Variants in FAAH2 observed in about 807,000 individuals in gnomAD.
FAAH2 encodes fatty-acid amide hydrolase 2.
FAAH2 carries 60 observed loss-of-function variants against 36.9 expected under a neutral mutation model. The observed-to-expected ratio is 1.63, with a 90% CI of 1.32 to 2.02. The LOEUF (loss-of-function observed/expected upper bound fraction) is 2.02, where lower values mean the gene tolerates loss of function less well. Among genes scored for constraint, FAAH2 ranks in the 30% most tolerant of loss-of-function variants. The pLI, the probability that FAAH2 is intolerant of heterozygous loss-of-function variation, is 0.00. For synonymous variants in FAAH2, 214 were observed against 143.8 expected, an observed-to-expected ratio of 1.49 and a Z score of -3.49; for missense variants, 689 against 397.5, an observed-to-expected ratio of 1.73 and a Z score of -6.23.
chrX:57,184,153 TCTG>T, the FAAH2 span, among the ~76,000 whole-genome samples: 1 of 111,651 alleles, frequency 9.0e-6, no homozygotes, highest in African/African-American at 3.3e-5. Flanking sequence ...TATTAGTAGT[TCTG>T]CTTTTGTCGT....
chrX:57,362,253 C>T (rs1371110353), intron 5 of FAAH2, among the ~76,000 whole-genome samples: 1 of 111,030 alleles, frequency 9.0e-6, no homozygotes, highest in Admixed American at 9.6e-5. Flanking sequence ...AACAGAAGAA[C>T]AGAAAACCAA....
the FAAH2 span, among the ~76,000 whole-genome samples, chrX:57,219,555 C>A: frequency 1.8e-5 from 2 of 112,437 alleles, no homozygotes; most frequent in South Asian, 7.3e-4. Flanking sequence ...GTCCAAAGCC[C>A]CAACATTGGT....
chrX:57,367,099 A>G (rs1362762530), intron 5 of FAAH2, among the ~76,000 whole-genome samples: 1 of 112,531 alleles, frequency 8.9e-6, no homozygotes, highest in Non-Finnish European at 1.9e-5. Flanking sequence ...ATAAACTCAT[A>G]CGAAATAACC....
At chrX:57,163,616 C>T in the FAAH2 span, among the ~76,000 whole-genome samples, 1 of 111,900 alleles carries the variant, frequency 8.9e-6, no homozygotes, top group Non-Finnish European at 1.9e-5. Flanking sequence ...TGGGAGTGAC[C>T]CGATTTTCCA....
chrX:57,442,361 G>A (rs1427769910), intron 8 of FAAH2, among the ~76,000 whole-genome samples: 1 of 111,454 alleles, frequency 9.0e-6, no homozygotes, highest in Admixed American at 9.6e-5. Flanking sequence ...TACCATTATG[G>A]AGTGGCCTTC....
chrX:57,347,481 G>A (rs1392087747), intron 5 of FAAH2, among the ~76,000 whole-genome samples: 2 of 110,227 alleles, frequency 1.8e-5, no homozygotes, highest in African/African-American at 6.6e-5. Context: ...TGGATTCCCT[G>A]GATTCCTTGG....
At chrX:57,383,897 G>A (rs932151539) in intron 7 of FAAH2, among the ~76,000 whole-genome samples, 3 of 111,676 alleles carry the variant, frequency 2.7e-5, no homozygotes, top group African/African-American at 9.8e-5. Context: ...CAAAGCTGGA[G>A]GCATCATGCT....
At chrX:57,284,666 TA>T (rs2051785113), upstream of FAAH2, among the ~76,000 whole-genome samples, 1 of 111,511 alleles carries the variant, frequency 9.0e-6, no homozygotes, top group Non-Finnish European at 1.9e-5. Context: ...TTTTGCAAGA[TA>T]AAAATGTTCT....
At chrX:57,343,124 C>T (rs989798651) in intron 5 of FAAH2, among the ~76,000 whole-genome samples, 3 of 111,680 alleles carry the variant, frequency 2.7e-5, no homozygotes, top group Non-Finnish European at 5.7e-5. Context: ...AAATAATTTT[C>T]CTTGGAGTAT....
intron 7 of FAAH2, among the ~76,000 whole-genome samples, chrX:57,416,074 G>T (rs2055834665): frequency 9.0e-6 from 1 of 110,839 alleles, no homozygotes; most frequent in Admixed American, 9.7e-5. Flanking sequence ...CTTTCCATTT[G>T]CTAGGTAAAT....
At chrX:57,416,168 G>A (rs964000332) in intron 7 of FAAH2, among the ~76,000 whole-genome samples, 1 of 111,003 alleles carries the variant, frequency 9.0e-6, no homozygotes, top group African/African-American at 3.3e-5. Context: ...GATGGCTGTT[G>A]ACTCTTTATC....
chrX:57,383,050 A>C (rs1247913778), intron 7 of FAAH2, among the ~76,000 whole-genome samples: 3 of 112,088 alleles, frequency 2.7e-5, no homozygotes, highest in Non-Finnish European at 5.6e-5. Context: ...GTAATCCAGC[A>C]TATAAACAGA....
At chrX:57,251,213 A>G in the FAAH2 span, among the ~76,000 whole-genome samples, 1 of 112,335 alleles carries the variant, frequency 8.9e-6, no homozygotes, top group African/African-American at 3.2e-5. Context: ...AAACAAATAA[A>G]TGTGATACAT....
At chrX:57,214,687 A>G in the FAAH2 span, among the ~76,000 whole-genome samples, 3 of 111,757 alleles carry the variant, frequency 2.7e-5, no homozygotes, top group South Asian at 1.1e-3. Flanking sequence ...TAATTGTTAC[A>G]TGGAGTATGA....
chrX:57,184,168 T>C, the FAAH2 span, among the ~76,000 whole-genome samples: 1 of 111,915 alleles, frequency 8.9e-6, no homozygotes, highest in African/African-American at 3.2e-5. Context: ...TTTTGTCGTT[T>C]GTCCTGTCAT....
intron 7 of FAAH2, among the ~76,000 whole-genome samples, chrX:57,424,280 G>C (rs2056107734): frequency 8.9e-6 from 1 of 111,899 alleles, no homozygotes; most frequent in African/African-American, 3.3e-5. Context: ...CCATCTCTGG[G>C]GCTGAGCATA....
the FAAH2 span, among the ~76,000 whole-genome samples, chrX:57,146,929 T>C: frequency 2.7e-5 from 3 of 111,640 alleles, no homozygotes; most frequent in Non-Finnish European, 5.7e-5. Context: ...TTGATCATGG[T>C]GGATTATGTT....
chrX:57,238,780 A>T, the FAAH2 span, among the ~76,000 whole-genome samples: 1 of 111,513 alleles, frequency 9.0e-6, no homozygotes, highest in East Asian at 2.8e-4. Context: ...GCATTTTTTT[A>T]ATCCTCATCC....
intron 7 of FAAH2, among the ~76,000 whole-genome samples, chrX:57,383,582 A>G (rs931166116): frequency 8.9e-6 from 1 of 111,959 alleles, no homozygotes; most frequent in Non-Finnish European, 1.9e-5. Context: ...AATTGCTTCA[A>G]AGAGAATAAA....
Sources: gnomAD v4.1 joint callset for allele counts (sites outside exome capture counted in the v4.1 genomes callset) on GRCh38, gnomAD v4.1.1 for gene constraint, MANE v1.5 for transcripts, NCBI Gene and HGNC (gene_info 2026-07-23, HGNC 2026-07-21) for gene names.